Variants in CEP83 observed in about 807,000 individuals in gnomAD.
The protein encoded by CEP83 is centrosomal protein 83, also known as centrosomal protein of 83 kDa.
In CEP83, 70 loss-of-function variants were observed where a neutral mutation model predicts 101.9. That is an observed-to-expected ratio of 0.69 (90% CI 0.57 to 0.84). The LOEUF is 0.84. Ranked by LOEUF, CEP83 falls within the 40% of genes least tolerant of loss-of-function variation. CEP83 has a pLI of 0.00. For synonymous variants in CEP83, 264 were observed against 267.9 expected (o/e 0.99, Z 0.14); for missense variants, 715 against 787.2 (o/e 0.91, Z 1.10).
intron 2 of CEP83, among the ~76,000 whole-genome samples, chr12:94,415,668 A>G (rs1593864387): frequency 7.0e-6 from 1 of 142,638 alleles, no homozygotes; most frequent in East Asian, 2.0e-4. Context: ...TTAAATTTAC[A>G]TGCACTTACT....
the CEP83 span, among the ~76,000 whole-genome samples, chr12:94,296,002 T>C: frequency 6.6e-6 from 1 of 152,136 alleles, no homozygotes; most frequent in African/African-American, 2.4e-5. Flanking sequence ...AGGCTGACCT[T>C]CTTCCATTCA....
At chr12:94,460,090 G>C (rs2068042637), upstream of CEP83, 1 of 152,492 alleles carries the variant, frequency 6.6e-6, no homozygotes, top group Non-Finnish European at 1.5e-5. Context: ...GGTGACAGCG[G>C]CAGCGGCGGG....
chr12:94,373,183 T>TG (rs1166577095), intron 8 of CEP83, among the ~76,000 whole-genome samples: 1 of 152,188 alleles, frequency 6.6e-6, no homozygotes, highest in African/African-American at 2.4e-5. Flanking sequence ...AAGCAATTCA[T>TG]GGTCTCCTAA....
At chr12:94,282,086 AG>A in the CEP83 span, 1 of 490,028 alleles carries the variant, frequency 2.0e-6, no homozygotes. Context: ...CAGGCTTATC[AG>A]GGAAGAAGTG....
intron 6 of CEP83, among the ~76,000 whole-genome samples, chr12:94,394,280 T>C (rs779596250): frequency 5.6e-4 from 85 of 152,064 alleles, no homozygotes; most frequent in Non-Finnish European, 6.2e-4. Context: ...AACAGAGATA[T>C]AGACCAATGG....
the CEP83 span, among the ~76,000 whole-genome samples, chr12:94,271,277 C>T: frequency 0.15 from 22,283 of 152,134 alleles, 2,287 homozygotes; most frequent in African/African-American, 0.29. Context: ...TATAAGGTAT[C>T]ACAGAAAGGA....
chr12:94,273,591 G>A, the CEP83 span, among the ~76,000 whole-genome samples: 1 of 152,048 alleles, frequency 6.6e-6, no homozygotes, highest in South Asian at 2.1e-4. Context: ...AAAATGCTCC[G>A]TCTGTACCTC....
At chr12:94,305,209 G>C, downstream of CEP83, 2 of 1,609,908 alleles carry the variant, frequency 1.2e-6, no homozygotes, top group Non-Finnish European at 1.7e-6. Context: ...AGAGAACGAG[G>C]GCTGGAAGAA....
rs1045319723 is a variant in CEP83, at chr12:94,389,464, C to A, written c.550-10422G>T. Among the ~76,000 whole-genome samples, 8 of 152,270 alleles carry A rather than the reference C, an allele frequency of 5.3e-5. No individual in the cohort carries two copies. The South Asian group carries it at 1.7e-3, about 32-fold the overall frequency. On this transcript the variant is annotated intron_variant, in intron 6 of 16. Transcript: ENST00000397809. ...CTTAGTTTTTAAATTATTACATTAACTTTTTATATTACTTAAGAAAACAAT... is the reference window on the plus strand; with the variant it reads ...CTTAGTTTTTAAATTATTACATTAAATTTTTATATTACTTAAGAAAACAAT...
At chr12:94,378,613 G>A (rs942648622) in intron 7 of CEP83, among the ~76,000 whole-genome samples, 178 bp downstream of exon 7, 4 of 152,236 alleles carry the variant, frequency 2.6e-5, no homozygotes, top group Admixed American at 6.5e-5. Flanking sequence ...GGTAGCATAC[G>A]TATTGCTTAT....
chr12:94,439,353 T>C (rs997141540), intron 1 of CEP83, among the ~76,000 whole-genome samples: 8 of 152,020 alleles, frequency 5.3e-5, no homozygotes, highest in Admixed American at 3.9e-4. Flanking sequence ...TCAAAAGTGA[T>C]ACCACAGAAA....
chr12:94,402,830 C>T (rs371206253), intron 5 of CEP83: 31 of 156,640 alleles, frequency 2.0e-4, no homozygotes, highest in South Asian at 1.2e-3. Context: ...ACCCGAGAGG[C>T]GGAGGTTGAA....
chr12:94,312,739 A>G, intron 15 of CEP83, 175 bp downstream of exon 15: 1 of 985,168 alleles, frequency 1.0e-6, no homozygotes, highest in Non-Finnish European at 1.2e-6. Context: ...CTTTTGGTTT[A>G]AAGAAACATT....
chr12:94,413,038 G>C (rs1391421839), intron 2 of CEP83, among the ~76,000 whole-genome samples: 1 of 151,958 alleles, frequency 6.6e-6, no homozygotes, highest in East Asian at 1.9e-4. Flanking sequence ...ATTTTTAGTA[G>C]AGACAGGGTT....
chr12:94,305,127 G>A, downstream of CEP83: 2 of 1,163,662 alleles, frequency 1.7e-6, no homozygotes, highest in Non-Finnish European at 2.5e-6. Context: ...GCAAAAAACA[G>A]AATTGTAACG....
At chr12:94,336,216 GAATA>G (rs1167304079) in intron 11 of CEP83, among the ~76,000 whole-genome samples, 10 of 152,148 alleles carry the variant, frequency 6.6e-5, no homozygotes, top group African/African-American at 2.2e-4. Flanking sequence ...TGAGATGAAT[GAATA>G]CTTACACATT....
chr12:94,299,874 A>C, the CEP83 span, among the ~76,000 whole-genome samples: 1 of 152,064 alleles, frequency 6.6e-6, no homozygotes, highest in Non-Finnish European at 1.5e-5. Flanking sequence ...CTAGCCTCTT[A>C]TCTCCAGTCC....
intron 2 of CEP83, among the ~76,000 whole-genome samples, chr12:94,412,914 G>A (rs967767354): frequency 2.0e-5 from 3 of 150,756 alleles, no homozygotes; most frequent in Non-Finnish European, 4.4e-5. Context: ...GTACAGTGGC[G>A]CTATCTCGAC....
At chr12:94,424,592 A>G in intron 2 of CEP83, 1 of 1,613,524 alleles carries the variant, frequency 6.2e-7, no homozygotes, top group East Asian at 2.2e-5. Flanking sequence ...TTGCTTTACC[A>G]TCTGTGCCTG....
Sources: gnomAD v4.1 joint callset for allele counts (sites outside exome capture counted in the v4.1 genomes callset) on GRCh38, gnomAD v4.1.1 for gene constraint, MANE v1.5 for transcripts, NCBI Gene and HGNC (gene_info 2026-07-23, HGNC 2026-07-21) for gene names.